The following EYS variants were observed in gnomAD, a reference collection of about 807,000 sequenced individuals.
EYS encodes the protein protein eyes shut homolog.
Under a neutral mutation model 282.1 loss-of-function variants are expected in EYS, and 250 were observed. That is an observed-to-expected ratio of 0.89 (90% CI 0.80 to 0.98). EYS has a LOEUF of 0.98. Among genes scored for constraint, EYS ranks in the 50% least tolerant of loss-of-function variants. EYS has a pLI of 0.00. For synonymous variants in EYS, 1,355 were observed against 1,282.9 expected (o/e 1.06, Z -1.20); for missense variants, 4,016 against 3,709.0 (o/e 1.08, Z -2.15).
At chr6:65,096,653 T>C (rs1032624979) in intron 12 of EYS, among the ~76,000 whole-genome samples, 2 of 150,924 alleles carry the variant, frequency 1.3e-5, no homozygotes, top group Admixed American at 1.3e-4. Context: ...AATAGACATA[T>C]AGAGTAATCA....
chr6:65,077,685 T>C (rs775844925), intron 12 of EYS, among the ~76,000 whole-genome samples: 3 of 152,092 alleles, frequency 2.0e-5, no homozygotes, highest in Non-Finnish European at 2.9e-5. Flanking sequence ...TGAGATTGTA[T>C]TCATTTCTAG....
At position 64,811,411 on chromosome 6, in the gene EYS, C is replaced by T. The variant is rs1166344599; in HGVS notation, c.3443+1967G>A. On this transcript the variant is annotated intron_variant, in intron 22 of 42. Coordinates refer to ENST00000503581, the MANE Select transcript of EYS (RefSeq NM_001142800.2). ...GCATCTTCAGCCTGAATTCTACTGG[C>T]TTCATGCTGTAAAAAAAAAAAAAAT... 2.3e-5 allele frequency among the ~76,000 whole-genome samples: 3 copies of T among 132,856 alleles called. No individual in the cohort carries two copies. In the Admixed American group the frequency reaches 2.7e-4, roughly 12 times the overall value. The allele number at this position is 132,856 out of a possible 152,430, so 87.2% of individuals were successfully genotyped here.
intron 2 of EYS, among the ~76,000 whole-genome samples, chr6:65,528,558 G>A (rs541834921): frequency 5.3e-5 from 8 of 152,264 alleles, no homozygotes; most frequent in South Asian, 2.1e-4. Context: ...CCCTCTTGCC[G>A]TCTCTCACCC....
chr6:64,328,887 A>G (rs1770529598), intron 29 of EYS, among the ~76,000 whole-genome samples: 1 of 152,154 alleles, frequency 6.6e-6, no homozygotes, highest in Non-Finnish European at 1.5e-5. Flanking sequence ...GGCCTGAGAG[A>G]GATCAATGTG....
intron 33 of EYS, among the ~76,000 whole-genome samples, chr6:64,015,714 G>A (rs1381331280): frequency 6.6e-6 from 1 of 152,188 alleles, no homozygotes; most frequent in Non-Finnish European, 1.5e-5. Flanking sequence ...CAGAGGGTAA[G>A]AAGGAAAGAC....
chr6:64,537,047 T>C (rs75324422), intron 26 of EYS, among the ~76,000 whole-genome samples: 1 of 151,822 alleles, frequency 6.6e-6, no homozygotes, highest in Non-Finnish European at 1.5e-5. Context: ...AGGGTACATG[T>C]GCACAATGTG....
chr6:63,832,577 G>A (rs1217769822), intron 36 of EYS, among the ~76,000 whole-genome samples: 1 of 152,068 alleles, frequency 6.6e-6, no homozygotes, highest in Non-Finnish European at 1.5e-5. Flanking sequence ...ATAATTAATA[G>A]CCTACCAACC....
chr6:63,963,929 A>G (rs1333292112), intron 35 of EYS, among the ~76,000 whole-genome samples: 2 of 152,186 alleles, frequency 1.3e-5, no homozygotes, highest in Non-Finnish European at 2.9e-5. Flanking sequence ...TAGTAGCAGG[A>G]ATTTTCAAAC....
intron 41 of EYS, among the ~76,000 whole-genome samples, chr6:63,743,307 T>C (rs1174239662): frequency 6.6e-6 from 1 of 152,190 alleles, no homozygotes; most frequent in Non-Finnish European, 1.5e-5. Flanking sequence ...TGCACAGTGA[T>C]TCAGACAACC....
intron 2 of EYS, among the ~76,000 whole-genome samples, chr6:65,527,367 G>C (rs1929328): frequency 0.39 from 59,017 of 152,016 alleles, 12,284 homozygotes; most frequent in African/African-American, 0.55. Context: ...TAGCACTATT[G>C]AAAACTGCAC....
At chr6:64,282,528 T>C (rs893245421) in intron 30 of EYS, among the ~76,000 whole-genome samples, 2 of 152,186 alleles carry the variant, frequency 1.3e-5, no homozygotes, top group Admixed American at 6.5e-5. Context: ...AATGTGTCTT[T>C]AGATGACTCC....
intron 26 of EYS, among the ~76,000 whole-genome samples, chr6:64,484,588 T>C (rs1243223820): frequency 6.6e-6 from 1 of 151,662 alleles, no homozygotes; most frequent in Non-Finnish European, 1.5e-5. Context: ...ATGGTATTCA[T>C]ACTGGCATTA....
chr6:65,260,565 A>G (rs1470419890), intron 12 of EYS, among the ~76,000 whole-genome samples: 1 of 152,090 alleles, frequency 6.6e-6, no homozygotes, highest in Non-Finnish European at 1.5e-5. Context: ...GAATTATATT[A>G]CATTATCACT....
At chr6:65,181,384 A>G (rs529911562) in intron 12 of EYS, among the ~76,000 whole-genome samples, 2 of 152,310 alleles carry the variant, frequency 1.3e-5, no homozygotes, top group South Asian at 4.1e-4. Flanking sequence ...AACCCTATCA[A>G]AAAATGGGTG....
At chr6:63,863,389 G>T (rs760262944) in intron 36 of EYS, among the ~76,000 whole-genome samples, 1 of 152,014 alleles carries the variant, frequency 6.6e-6, no homozygotes, top group East Asian at 1.9e-4. Flanking sequence ...AAAGAGAGAC[G>T]CATGTCTATT....
At chr6:64,199,911 A>G (rs1180182088) in intron 31 of EYS, among the ~76,000 whole-genome samples, 1 of 152,174 alleles carries the variant, frequency 6.6e-6, no homozygotes, top group African/African-American at 2.4e-5. Context: ...TAATTGCCCA[A>G]AACTCAAAGC....
chr6:64,958,999 A>G (rs1769821034), intron 14 of EYS, among the ~76,000 whole-genome samples: 1 of 152,112 alleles, frequency 6.6e-6, no homozygotes, highest in Admixed American at 6.6e-5. Context: ...TAAGAGGACT[A>G]TTTTGTCTTA....
At chr6:63,790,752 G>T (rs1370125526) in intron 37 of EYS, among the ~76,000 whole-genome samples, 1 of 152,230 alleles carries the variant, frequency 6.6e-6, no homozygotes, top group African/African-American at 2.4e-5. Flanking sequence ...ATTGGGAGGG[G>T]TGGAGGAGGA....
At chr6:64,704,431 A>C (rs1009702928) in intron 22 of EYS, among the ~76,000 whole-genome samples, 21 of 145,884 alleles carry the variant, frequency 1.4e-4, no homozygotes, top group South Asian at 4.2e-4. Flanking sequence ...TTATATTTCT[A>C]TAATATAATC....
Sources: allele counts gnomAD v4.1 joint callset (sites outside exome capture counted in the v4.1 genomes callset), GRCh38; gene constraint gnomAD v4.1.1; transcripts MANE v1.5; gene names NCBI Gene and HGNC (gene_info 2026-07-23, HGNC 2026-07-21).